Variants in CFTR observed in about 807,000 individuals in gnomAD.
The protein encoded by CFTR is cystic fibrosis transmembrane conductance regulator.
Under a neutral mutation model 171.6 loss-of-function variants are expected in CFTR, and 181 were observed. The ratio of observed to expected loss-of-function variants is 1.05; its 90% CI spans 0.93 to 1.19. CFTR has a LOEUF of 1.19. CFTR is among the 50% of genes most tolerant of loss of function. CFTR has a pLI of 0.00. For missense variants in CFTR, 1,968 were observed against 1,734.7 expected, an observed-to-expected ratio of 1.13 and a Z score of -2.39; for synonymous variants, 583 against 608.0, an observed-to-expected ratio of 0.96 and a Z score of 0.60.
In CFTR at chr7:117,528,043, G is replaced by A. The variant is rs1402424527; in HGVS notation, c.274-2856G>A. On this transcript the variant is annotated intron_variant, in intron 3 of 26. Coordinates refer to ENST00000003084, the MANE Select transcript of CFTR (RefSeq NM_000492.4). ...AAAGTTCATATGGAACCAAAAAAGA[G>A]CCCGCATCGCCAAGTCAATCGTAAG... Among the ~76,000 whole-genome samples, 10 of 134,566 alleles carry A rather than the reference G, an allele frequency of 7.4e-5. 1 individual carries two copies. The highest frequency in any genetic ancestry group is 1.3e-4 in the Non-Finnish European group (8 of 63,022). The allele number at this position is 134,566 out of a possible 152,430, so 88.3% of individuals were successfully genotyped here.
At position 117,644,600 on chromosome 7, in the gene CFTR, A is replaced by C. The variant is rs556288573; in HGVS notation, c.3873+2007A>C. 2.6e-4 allele frequency among the ~76,000 whole-genome samples: 40 copies of C among 152,244 alleles called. No individual in the cohort carries two copies. In the South Asian group the frequency reaches 8.1e-3, roughly 31 times the overall value. On this transcript the variant is annotated intron_variant, in intron 23 of 26. Transcript: ENST00000003084. The stretch of plus-strand genomic sequence containing the variant: ...TTTGTTTTCAGACATATGAAACAGG[A>C]ACTTTGAACAAGAAATTTCCCCTCT...
In CFTR at chr7:117,512,808, C is replaced by T. The variant is rs868010272; in HGVS notation, c.273+3666C>T. 3.3e-5 allele frequency among the ~76,000 whole-genome samples: 5 copies of T among 152,160 alleles called. No individual in the cohort carries two copies. The South Asian group carries it at 1.0e-3, about 32-fold the overall frequency. The stretch of plus-strand genomic sequence containing the variant: ...TGCATTTATTATGATAAGAAATTCA[C>T]AAGCATTCATTCAAAATACTCTTGA... On this transcript the variant is annotated intron_variant, in intron 3 of 26. Coordinates refer to ENST00000003084, the MANE Select transcript of CFTR (RefSeq NM_000492.4).
intron 26 of CFTR, among the ~76,000 whole-genome samples, 200 bp downstream of exon 26, chr7:117,665,764 G>A (rs150456827): frequency 6.6e-5 from 10 of 152,296 alleles, no homozygotes; most frequent in Admixed American, 1.3e-4. Flanking sequence ...TTGAAATATA[G>A]TAAATCTAAA....
intron 1 of CFTR, among the ~76,000 whole-genome samples, chr7:117,501,144 A>G (rs1266163766): frequency 6.6e-6 from 1 of 152,220 alleles, no homozygotes; most frequent in Admixed American, 6.5e-5. Flanking sequence ...TTGTAAATAT[A>G]GTGTCATATT....
intron 11 of CFTR, among the ~76,000 whole-genome samples, chr7:117,565,997 A>G (rs1791595624): frequency 6.6e-6 from 1 of 152,184 alleles, no homozygotes; most frequent in Non-Finnish European, 1.5e-5. Flanking sequence ...ACTAACCTGT[A>G]AGAACTTGAA....
At chr7:117,529,536 T>C (rs62469436) in intron 3 of CFTR, among the ~76,000 whole-genome samples, 1 of 148,790 alleles carries the variant, frequency 6.7e-6, no homozygotes. Flanking sequence ...AAAAAAAGTT[T>C]GAATGTTTTC....
In CFTR at chr7:117,611,592, A is replaced by G. The variant is rs374403559; in HGVS notation, c.3151A>G (p.Ile1051Val). Residue 1051 changes from isoleucine to valine, a missense_variant, in exon 20 of 27, where the codon ATT becomes GTT. Transcript: ENST00000003084. ...KQLESEGRSPIFTHLVTSLKG... is the reference protein window; with the variant it reads ...KQLESEGRSPVFTHLVTSLKG... Reference sequence around the variant, plus strand: ...GAAATATTTCACAGGCAGGAGTCCAATTTTCACTCATCTTGTTACAAGCTT... The same window carrying G: ...GAAATATTTCACAGGCAGGAGTCCAGTTTTCACTCATCTTGTTACAAGCTT... 74 of 1,607,192 alleles carry G rather than the reference A, an allele frequency of 4.6e-5. No homozygotes were observed. Among genetic ancestry groups the G allele is most frequent in the Middle Eastern group, 3.3e-4 (2 of 6,070 alleles).
intron 10 of CFTR, among the ~76,000 whole-genome samples, chr7:117,552,093 T>C (rs1254336339): frequency 6.6e-6 from 1 of 151,968 alleles, no homozygotes; most frequent in Non-Finnish European, 1.5e-5. Context: ...CACATATATA[T>C]ATGACACTAT....
At chr7:117,488,557 A>C (rs926008210) in intron 1 of CFTR, among the ~76,000 whole-genome samples, 1 of 152,114 alleles carries the variant, frequency 6.6e-6, no homozygotes, top group Non-Finnish European at 1.5e-5. Context: ...CCTTCAAGGC[A>C]AAGGCTCTAT....
intron 9 of CFTR, among the ~76,000 whole-genome samples, chr7:117,545,225 A>G (rs548352918): frequency 3.1e-4 from 47 of 152,278 alleles, no homozygotes; most frequent in African/African-American, 9.1e-4. Context: ...CTTCACTATC[A>G]CGAGAATAGG....
chr7:117,624,705 G>A (rs1792626300), intron 21 of CFTR, among the ~76,000 whole-genome samples: 1 of 152,154 alleles, frequency 6.6e-6, no homozygotes, highest in Non-Finnish European at 1.5e-5. Context: ...CATTTATGGG[G>A]TGAGGAGAGT....
chr7:117,504,168 G>C (rs967345821), intron 1 of CFTR, 85 bp from the exon 2 acceptor site: 1 of 793,374 alleles, frequency 1.3e-6, no homozygotes, highest in Non-Finnish European at 2.3e-6. Flanking sequence ...TTTTCCATAT[G>C]CCAGAAAAGT....
At chr7:117,480,225 G>T (rs965573993) in intron 1 of CFTR, 78 bp downstream of exon 1, 4 of 1,338,664 alleles carry the variant, frequency 3.0e-6, no homozygotes, top group Non-Finnish European at 4.3e-6. Context: ...TTGGGTTTGG[G>T]GTAAAGGAAT....
At chr7:117,586,786 T>C (rs1791940995) in intron 11 of CFTR, among the ~76,000 whole-genome samples, 1 of 151,748 alleles carries the variant, frequency 6.6e-6, no homozygotes, top group Non-Finnish European at 1.5e-5. Flanking sequence ...TTTTTTTTTT[T>C]AAGGCGAGAG....
chr7:117,605,120 C>T (rs887855753), intron 17 of CFTR: 1 of 152,188 alleles, frequency 6.6e-6, no homozygotes, highest in Non-Finnish European at 1.5e-5. Context: ...GGGTTTTGTT[C>T]CCACAGAGGG....
intron 18 of CFTR, among the ~76,000 whole-genome samples, chr7:117,610,130 G>A (rs569140128): frequency 3.4e-5 from 5 of 148,226 alleles, no homozygotes; most frequent in African/African-American, 1.0e-4. Context: ...GTAAACTATC[G>A]CAAGAACAAA....
chr7:117,540,413 G>A (rs1264521284), intron 8 of CFTR, 67 bp downstream of exon 8: 3 of 1,468,714 alleles, frequency 2.0e-6, no homozygotes, highest in East Asian at 4.6e-5. Flanking sequence ...CAGTTCTAAT[G>A]AACTTTGCAA....
chr7:117,543,473 G>C (rs1735469113), intron 9 of CFTR, among the ~76,000 whole-genome samples: 2 of 152,166 alleles, frequency 1.3e-5, no homozygotes, highest in South Asian at 4.1e-4. Context: ...TAATCAAATA[G>C]GTAGCATGCT....
At chr7:117,656,617 ATACTC>A (rs1793187596) in intron 24 of CFTR, among the ~76,000 whole-genome samples, 1 of 152,216 alleles carries the variant, frequency 6.6e-6, no homozygotes, top group African/African-American at 2.4e-5. Context: ...CTTTAACAGA[ATACTC>A]TAGCTATAAA....
Sources: allele counts gnomAD v4.1 joint callset (sites outside exome capture counted in the v4.1 genomes callset), GRCh38; gene constraint gnomAD v4.1.1; transcripts MANE v1.5; gene names NCBI Gene and HGNC (gene_info 2026-07-23, HGNC 2026-07-21).